IQGAP2: variants seen among roughly 807,000 people sequenced by gnomAD.
The protein encoded by IQGAP2 is IQ motif containing GTPase activating protein 2, also known as ras GTPase-activating-like protein IQGAP2.
In IQGAP2, 173 loss-of-function variants were observed where a neutral mutation model predicts 201.3. The ratio of observed to expected loss-of-function variants is 0.86; its 90% confidence interval spans 0.76 to 0.98. IQGAP2 has a LOEUF of 0.98. IQGAP2 is among the 50% of genes least tolerant of loss of function. The pLI, the probability that IQGAP2 is intolerant of heterozygous loss-of-function variation, is 0.00. For synonymous variants in IQGAP2, 675 were observed against 673.9 expected (o/e 1.00, Z -0.03); for missense variants, 1,687 against 1,864.8 (o/e 0.90, Z 1.76).
At chr5:76,697,879 A>G (rs1746902057) in intron 32 of IQGAP2, 108 bp from the exon 33 acceptor site, 2 of 748,360 alleles carry the variant, frequency 2.7e-6, no homozygotes, top group African/African-American at 1.8e-5. Flanking sequence ...CTACAAGTCA[A>G]GTTACAAATA....
At chr5:76,498,437 G>A (rs1453165749) in intron 2 of IQGAP2, among the ~76,000 whole-genome samples, 3 of 152,184 alleles carry the variant, frequency 2.0e-5, no homozygotes, top group Admixed American at 2.0e-4. Flanking sequence ...CACTTCTGTA[G>A]CAGAGACAGA....
chr5:76,679,705 T>G (rs1011468382), intron 28 of IQGAP2, among the ~76,000 whole-genome samples: 1 of 152,216 alleles, frequency 6.6e-6, no homozygotes, highest in African/African-American at 2.4e-5. Flanking sequence ...ATCTTGCATA[T>G]TTTGTTCTTG....
intron 15 of IQGAP2, among the ~76,000 whole-genome samples, chr5:76,632,862 T>C (rs402804): frequency 0.93 from 141,947 of 152,034 alleles, 66,510 homozygotes; most frequent in Middle Eastern, 0.98. Flanking sequence ...CTAGTAGTAC[T>C]CTATGTACTT....
At chr5:76,482,957 T>C (rs982581463) in intron 2 of IQGAP2, among the ~76,000 whole-genome samples, 2 of 152,196 alleles carry the variant, frequency 1.3e-5, no homozygotes, top group Admixed American at 1.3e-4. Flanking sequence ...TTCACACCTA[T>C]ATCCCAGCAT....
chr5:76,404,432 CAG>C, intron 1 of IQGAP2: 1 of 983,644 alleles, frequency 1.0e-6, no homozygotes, highest in Non-Finnish European at 1.2e-6. Flanking sequence ...TTAAAACAAA[CAG>C]AAAGTTGGCC....
At chr5:76,644,295 C>CTTTTTTTGTTTTTTTTTTTTT (rs1751840561) in intron 17 of IQGAP2, among the ~76,000 whole-genome samples, 1 of 47,778 alleles carries the variant, frequency 2.1e-5, no homozygotes, top group African/African-American at 7.2e-5. Flanking sequence ...TTTGTAAATC[C>CTTTTTTTGTTTTTTTTTTTTT]TTTTTTTTTT....
chr5:76,692,415 A>G (rs940591816), intron 30 of IQGAP2, among the ~76,000 whole-genome samples: 3 of 152,168 alleles, frequency 2.0e-5, no homozygotes, highest in African/African-American at 7.2e-5. Context: ...GCCTCCCAAC[A>G]TGCTGGGATT....
chr5:76,643,754 G>A (rs1328090062), intron 17 of IQGAP2, among the ~76,000 whole-genome samples: 1 of 152,112 alleles, frequency 6.6e-6, no homozygotes, highest in Non-Finnish European at 1.5e-5. Context: ...TTGAACTTCA[G>A]CTCAGGGAGT....
chr5:76,499,629 G>C (rs562020143), intron 2 of IQGAP2, among the ~76,000 whole-genome samples: 2 of 152,292 alleles, frequency 1.3e-5, no homozygotes, highest in Admixed American at 6.5e-5. Context: ...AAAGGCTCCA[G>C]TTTCAAGGTA....
At chr5:76,427,844 G>A (rs568329579) in intron 1 of IQGAP2, among the ~76,000 whole-genome samples, 27 of 152,222 alleles carry the variant, frequency 1.8e-4, no homozygotes, top group Non-Finnish European at 3.5e-4. Flanking sequence ...GGCTCTGAGC[G>A]GGGGCAGCAT....
intron 14 of IQGAP2, 68 bp downstream of exon 14, chr5:76,627,568 T>A: frequency 3.7e-6 from 3 of 801,180 alleles, no homozygotes; most frequent in Admixed American, 2.2e-5. Flanking sequence ...TGAAGTCATG[T>A]GATTTTTAAT....
rs111596277 is a variant in IQGAP2 at position 76,533,619 on chromosome 5, C to G, written c.147-28777C>G. Among the ~76,000 whole-genome samples the G allele has an allele frequency of 3.0e-3, 450 of 152,234 alleles. 1 individual carries two copies. The highest frequency in any genetic ancestry group is 0.01 in the African/African-American group (427 of 41,534). On this transcript the variant is annotated intron_variant, in intron 2 of 35. Coordinates refer to ENST00000274364, the MANE Select transcript of IQGAP2 (RefSeq NM_006633.5). ...GCAGTGGCACGATCTTGGCTCACTG[C>G]AAGCTCTGCCCCCTGGGTTCATGCC... is the stretch of plus-strand genomic sequence containing the variant.
intron 5 of IQGAP2, among the ~76,000 whole-genome samples, chr5:76,582,487 C>A (rs1414115239): frequency 1.3e-5 from 2 of 152,184 alleles, no homozygotes; most frequent in Non-Finnish European, 2.9e-5. Flanking sequence ...CTTCTGGATT[C>A]TAGTCCTGTG....
chr5:76,666,592 G>A (rs542611275), intron 22 of IQGAP2, among the ~76,000 whole-genome samples: 1 of 152,338 alleles, frequency 6.6e-6, no homozygotes, highest in East Asian at 1.9e-4. Context: ...ACCAAAGGGT[G>A]CAACCATTCA....
At chr5:76,438,058 A>G (rs1421721620) in intron 1 of IQGAP2, among the ~76,000 whole-genome samples, 2 of 72,514 alleles carry the variant, frequency 2.8e-5, no homozygotes, top group Non-Finnish European at 6.0e-5. Context: ...TTTTTTTATT[A>G]TGTCCTTTTC....
At chr5:76,514,011 C>CTT (rs70982619) in intron 2 of IQGAP2, among the ~76,000 whole-genome samples, 8 of 65,084 alleles carry the variant, frequency 1.2e-4, no homozygotes, top group East Asian at 5.9e-4. Flanking sequence ...TATTTGTTGC[C>CTT]TTTTTTTTTT....
chr5:76,684,991 A>G (rs547188536), intron 30 of IQGAP2, among the ~76,000 whole-genome samples: 2 of 152,230 alleles, frequency 1.3e-5, no homozygotes, highest in South Asian at 4.2e-4. Flanking sequence ...ATGCTTGACT[A>G]CCTACTCTGT....
At chr5:76,684,281 G>A (rs1002538387) in intron 30 of IQGAP2, among the ~76,000 whole-genome samples, 2 of 152,102 alleles carry the variant, frequency 1.3e-5, no homozygotes, top group African/African-American at 4.8e-5. Flanking sequence ...TTTATTTCCG[G>A]TATAAAATCA....
intron 13 of IQGAP2, chr5:76,617,585 T>C (rs767335456): frequency 6.2e-7 from 1 of 1,604,676 alleles, no homozygotes; most frequent in Non-Finnish European, 8.5e-7. Flanking sequence ...CATTTCACTA[T>C]TTTGTAAGGT....
Sources: gnomAD v4.1 joint callset for allele counts (sites outside exome capture counted in the v4.1 genomes callset) on GRCh38, gnomAD v4.1.1 for gene constraint, MANE v1.5 for transcripts, NCBI Gene and HGNC (gene_info 2026-07-23, HGNC 2026-07-21) for gene names.